The following PDE2A variants were observed in gnomAD, a reference collection of about 807,000 sequenced individuals.
PDE2A encodes phosphodiesterase 2A.
Under a neutral mutation model 133.6 loss-of-function variants are expected in PDE2A, and 53 were observed. That is an observed-to-expected ratio of 0.40 (90% CI 0.32 to 0.50). PDE2A has a LOEUF of 0.50. Among genes scored for constraint, PDE2A ranks in the 20% least tolerant of loss-of-function variants. PDE2A has a pLI of 0.73. For synonymous variants in PDE2A, 491 were observed against 490.2 expected, an observed-to-expected ratio of 1.00 and a Z score of -0.02; for missense variants, 796 against 1,232.4, an observed-to-expected ratio of 0.65 and a Z score of 5.30.
Position 72,597,484 on chromosome 11 carries a change from G to A in PDE2A, c.433+26C>T, listed in dbSNP as rs1471591971. ...ACAGTCCCTCCCTGCCCCTGCCCCT[G>A]CCCCTGCCCAGCCCCTAGCCCTTAC... On this transcript the variant is annotated intron_variant, in intron 5 of 30. Coordinates refer to ENST00000334456, the MANE Select transcript of PDE2A (RefSeq NM_002599.5). The surrounding 1 kb of genome is among the most constrained non-coding windows in gnomAD (Gnocchi z 4.6). 1 of 1,395,064 alleles carries A rather than the reference G, an allele frequency of 7.2e-7. No individual in the cohort carries two copies. The highest frequency in any genetic ancestry group is 1.0e-6 in the Non-Finnish European group (1 of 993,974). 86.4% of individuals were successfully genotyped at this position (1,395,064 alleles called of 1,614,324 possible).
chr11:72,665,230 G>A (rs1855199493), intron 1 of PDE2A, among the ~76,000 whole-genome samples: 1 of 151,888 alleles, frequency 6.6e-6, no homozygotes, highest in African/African-American at 2.4e-5. Flanking sequence ...CCTCTCCTCT[G>A]CCCCAACCAG....
chr11:72,638,585 T>C (rs1306723595), intron 2 of PDE2A, among the ~76,000 whole-genome samples: 1 of 152,202 alleles, frequency 6.6e-6, no homozygotes, highest in African/African-American at 2.4e-5. Flanking sequence ...AGGAGCTCCA[T>C]GAGGCCAGTT....
Position 72,588,775 on chromosome 11 carries a change from A to G in PDE2A, c.1070+9T>C. On this transcript the variant is annotated intron_variant, in intron 13 of 30. Coordinates refer to ENST00000334456, the MANE Select transcript of PDE2A (RefSeq NM_002599.5). ...ATCTCCTGATCTGCATCATCCCACA[A>G]AGACTCACAAGTCTCCTTCTAGCTT... The G allele has an allele frequency of 6.3e-7, 1 of 1,587,544 alleles. No homozygotes were observed. Among genetic ancestry groups the G allele is most frequent in the Non-Finnish European group, 8.6e-7 (1 of 1,162,682 alleles).
chr11:72,600,837 AGGACAGATGGGCACAGAGT>A (rs1368881015), intron 4 of PDE2A, among the ~76,000 whole-genome samples: 1 of 152,100 alleles, frequency 6.6e-6, no homozygotes, highest in Admixed American at 6.5e-5. Context: ...ACTGAAGATA[AGGACAGATGGGCACAGAGT>A]GGAGAGAGGA....
At chr11:72,605,838 T>C (rs12291404) in intron 3 of PDE2A, among the ~76,000 whole-genome samples, 10,751 of 149,056 alleles carry the variant, frequency 0.072, 947 homozygotes, top group African/African-American at 0.21. Context: ...GGGTGCAGAA[T>C]GGGCTCCCAG....
intron 1 of PDE2A, among the ~76,000 whole-genome samples, chr11:72,666,307 A>T (rs978647523): frequency 1.3e-5 from 2 of 151,914 alleles, no homozygotes; most frequent in Non-Finnish European, 2.9e-5. Context: ...TAATCACTGC[A>T]CCTCTCTGAA....
At position 72,585,429 on chromosome 11, in the gene PDE2A, C is replaced by T. The variant is rs1239267992; in HGVS notation, c.1228G>A (p.Val410Ile). ...AKNLFTHLDD[V>I]SVLLQEIITE... ...ATGATCTCCTGGAGCAGGACAGAGA[C>T]GTCATCTGGGGAAGGGAGAAGACCA... Residue 410 changes from valine to isoleucine, a missense_variant, in exon 16 of 31, where the codon GTC becomes ATC. Around this residue, in one of 7 missense-constraint regions of PDE2A, gnomAD observed 31 missense variants for 70.2 expected, o/e 0.44. Coordinates refer to ENST00000334456, the MANE Select transcript of PDE2A (RefSeq NM_002599.5). 2 of 1,614,084 alleles carry T rather than the reference C, an allele frequency of 1.2e-6. No homozygotes were observed. Among genetic ancestry groups the T allele is most frequent in the South Asian group, 1.1e-5 (1 of 91,072 alleles).
At chr11:72,673,945 T>A (rs1416886248) in intron 1 of PDE2A, among the ~76,000 whole-genome samples, 192 bp downstream of exon 1, 2 of 152,174 alleles carry the variant, frequency 1.3e-5, no homozygotes, top group Non-Finnish European at 2.9e-5. Context: ...ACCCTCATTC[T>A]GCTCAGAGGT....
In PDE2A at chr11:72,586,808, G is replaced by A. The variant is rs187367366; in HGVS notation, c.1071-627C>T. Among the ~76,000 whole-genome samples, 10 of 152,304 alleles carry A rather than the reference G, an allele frequency of 6.6e-5. No individual in the cohort carries two copies. The East Asian group carries it at 1.7e-3, about 26-fold the overall frequency. ...AAGAGCCTGCCTTAGCCCACATCAC[G>A]CTGCCCTGAGGTGTCCCTGCCTAAG... On this transcript the variant is annotated intron_variant, in intron 13 of 30. Coordinates refer to ENST00000334456, the MANE Select transcript of PDE2A (RefSeq NM_002599.5).
chr11:72,613,793 G>A (rs1447569489), intron 2 of PDE2A, among the ~76,000 whole-genome samples: 1 of 152,136 alleles, frequency 6.6e-6, no homozygotes, highest in Non-Finnish European at 1.5e-5. Context: ...GGGAAACAGG[G>A]GGTGCCAGGC....
chr11:72,629,442 G>C (rs1195368091), intron 2 of PDE2A, among the ~76,000 whole-genome samples: 2 of 152,248 alleles, frequency 1.3e-5, no homozygotes, highest in African/African-American at 2.4e-5. Context: ...GGTGGCCGAG[G>C]CTGCTGAGAC....
At chr11:72,615,098 C>A (rs979537611) in intron 2 of PDE2A, 2 of 521,160 alleles carry the variant, frequency 3.8e-6, no homozygotes, top group Non-Finnish European at 8.0e-6. Context: ...AGCCTCCGAG[C>A]CACACTGGAG....
At chr11:72,589,886 A>G (rs1565154893) in intron 10 of PDE2A, 21 bp downstream of exon 10, 4 of 1,611,268 alleles carry the variant, frequency 2.5e-6, no homozygotes, top group Non-Finnish European at 3.4e-6. Context: ...CCCCCGCTCT[A>G]CAGTGGACCT....
chr11:72,608,856 G>C (rs371981410), intron 2 of PDE2A, 105 bp from the exon 3 acceptor site: 29 of 666,288 alleles, frequency 4.4e-5, no homozygotes, highest in Middle Eastern at 5.4e-4. Flanking sequence ...TCCAGAGCCC[G>C]AGTCTTTCAG....
Position 72,578,416 on chromosome 11 carries a change from C to T in PDE2A, c.2508+60G>A. The stretch of plus-strand genomic sequence containing the variant: ...CAGGGTCAGGCTAGTTCAAGCCCTC[C>T]CTGTCCCAGGCCAGGAACCCTCCCC... On this transcript the variant is annotated intron_variant, in intron 29 of 30. Coordinates refer to ENST00000334456, the MANE Select transcript of PDE2A (RefSeq NM_002599.5). This position sits in a 1 kb window ranked among gnomAD's most constrained non-coding sequence, Gnocchi z 4.2. 6.3e-7 allele frequency: 1 copy of T among 1,586,126 alleles called. No individual in the cohort carries two copies. Among genetic ancestry groups the T allele is most frequent in the Non-Finnish European group, 8.7e-7 (1 of 1,154,570 alleles).
rs573356161 is a variant in PDE2A, at chr11:72,605,944, A to T, written c.235-718T>A. On this transcript the variant is annotated intron_variant, in intron 3 of 30. Transcript: ENST00000334456. The stretch of plus-strand genomic sequence containing the variant: ...GGAAGGGGCACAGGGGCTGGGCCCA[A>T]GGTCAGTAGGGCTGAGTGGGATGGG... 2.0e-5 allele frequency among the ~76,000 whole-genome samples: 3 copies of T among 152,258 alleles called. No individual in the cohort carries two copies. In the South Asian group the frequency reaches 6.2e-4, roughly 32 times the overall value.
chr11:72,671,201 T>C (rs1182919577), intron 1 of PDE2A, among the ~76,000 whole-genome samples: 1 of 152,140 alleles, frequency 6.6e-6, no homozygotes, highest in Non-Finnish European at 1.5e-5. Flanking sequence ...TTTCCATTTC[T>C]TTCTCCTTCA....
rs541404992 is a variant in PDE2A, at chr11:72,589,880, C to G, written c.831+27G>C. ...CGAGTTCCTCGCCCAGCCCCGCCCCCGCTCTACAGTGGACCTGGGCCCTCA... is the reference window on the plus strand; with the variant it reads ...CGAGTTCCTCGCCCAGCCCCGCCCCGGCTCTACAGTGGACCTGGGCCCTCA... On this transcript the variant is annotated intron_variant, in intron 10 of 30. Transcript: ENST00000334456. 9 of 1,609,996 alleles carry G rather than the reference C, an allele frequency of 5.6e-6. 1 individual carries two copies. In the African/African-American group the frequency reaches 1.1e-4, roughly 19 times the overall value.
At chr11:72,616,377 C>T (rs945034332) in intron 2 of PDE2A, among the ~76,000 whole-genome samples, 17 of 152,198 alleles carry the variant, frequency 1.1e-4, no homozygotes, top group African/African-American at 2.4e-4. Flanking sequence ...CACCCTTTCC[C>T]GTCTGGCTCC....
Sources: gnomAD v4.1 joint callset for allele counts (sites outside exome capture counted in the v4.1 genomes callset) on GRCh38, gnomAD v4.1.1 for gene constraint, gnomAD v4.1.1 regional missense constraint, Gnocchi (gnomAD v3.1) non-coding constraint, MANE v1.5 for transcripts, NCBI Gene and HGNC (gene_info 2026-07-23, HGNC 2026-07-21) for gene names.